Variants in GSE1 observed in about 807,000 individuals in gnomAD.
GSE1 encodes the protein genetic suppressor element 1.
In GSE1, 32 loss-of-function variants were observed where a neutral mutation model predicts 112.6. The observed-to-expected ratio is 0.28, with a 90% CI of 0.21 to 0.38. The LOEUF (loss-of-function observed/expected upper bound fraction) is 0.38, where lower values mean the gene tolerates loss of function less well. Among genes scored for constraint, GSE1 ranks in the 10% least tolerant of loss-of-function variants. GSE1 has a pLI of 1.00. For missense variants in GSE1, 2,348 were observed against 1,699.2 expected (o/e 1.38, Z -6.71); for synonymous variants, 1,115 against 735.6 (o/e 1.52, Z -8.35).
intron 2 of GSE1, among the ~76,000 whole-genome samples, chr16:85,516,580 C>T (rs1188914286): frequency 7.5e-6 from 1 of 134,108 alleles, no homozygotes; most frequent in Non-Finnish European, 1.6e-5. Context: ...AGAGGAGACC[C>T]TGTCTCAAAA....
At chr16:85,201,205 T>C (rs1304183047) in intron 1 of GSE1, among the ~76,000 whole-genome samples, 1 of 152,162 alleles carries the variant, frequency 6.6e-6, no homozygotes, top group Non-Finnish European at 1.5e-5. Flanking sequence ...CCTGAGTAGC[T>C]GAGGCCACAG....
chr16:85,310,939 G>A (rs2045825032), intron 1 of GSE1, among the ~76,000 whole-genome samples: 1 of 152,234 alleles, frequency 6.6e-6, no homozygotes, highest in Admixed American at 6.5e-5. Context: ...GCACAGTAGA[G>A]GGGACAGCAG....
Position 85,674,577 on chromosome 16 carries a change from C to CT in GSE1, c.*2040dup, listed in dbSNP as rs1180364591. 1 of 152,246 alleles carries CT rather than the reference C, an allele frequency of 6.6e-6. No individual in the cohort carries two copies. The highest frequency in any genetic ancestry group is 2.4e-5 in the African/African-American group (1 of 41,466). 9.4% of individuals were successfully genotyped at this position (152,246 alleles called of 1,614,324 possible). Reference sequence around the variant, plus strand: ...AAGGCTTAAGAGTCACATCTTAGCACTTCCGCTCTCAGGCCTCCTCCTCCA... The same window carrying CT: ...AAGGCTTAAGAGTCACATCTTAGCACTTTCCGCTCTCAGGCCTCCTCCTCCA... On this transcript the variant is annotated 3_prime_UTR_variant, in exon 16 of 16. Transcript: ENST00000253458.
chr16:85,645,395 A>G (rs749560205), intron 2 of GSE1, among the ~76,000 whole-genome samples: 1 of 151,962 alleles, frequency 6.6e-6, no homozygotes, highest in African/African-American at 2.4e-5. Flanking sequence ...TCTGTTGTGG[A>G]GCTGCCCTAT....
chr16:85,171,803 C>T (rs774603466), exon 1 of GSE1: 12 of 985,290 alleles, frequency 1.2e-5, no homozygotes, highest in Non-Finnish European at 1.4e-5. Flanking sequence ...GCAGCAGCGA[C>T]GAAGGTAAGC....
intron 1 of GSE1, among the ~76,000 whole-genome samples, chr16:85,218,337 G>C (rs556894558): frequency 6.6e-6 from 1 of 152,310 alleles, no homozygotes; most frequent in South Asian, 2.1e-4. Flanking sequence ...CTCGGGATGG[G>C]CTGCTGAACC....
intron 1 of GSE1, among the ~76,000 whole-genome samples, chr16:85,230,177 G>C (rs190253491): frequency 6.6e-6 from 1 of 152,194 alleles, no homozygotes; most frequent in South Asian, 2.1e-4. Context: ...TAATTGGTTG[G>C]GGTCTTGTCT....
At chr16:85,338,955 G>T (rs999701413) in intron 1 of GSE1, among the ~76,000 whole-genome samples, 11 of 152,234 alleles carry the variant, frequency 7.2e-5, no homozygotes, top group Admixed American at 2.6e-4. Flanking sequence ...GAAGCATGGG[G>T]CATCTCATCC....
chr16:85,589,081 G>A (rs2046843673), intron 1 of GSE1, among the ~76,000 whole-genome samples: 2 of 151,952 alleles, frequency 1.3e-5, no homozygotes, highest in South Asian at 4.2e-4. Flanking sequence ...TCCCCTTCCC[G>A]GGATCCCCGT....
intron 6 of GSE1, 72 bp from the exon 7 acceptor site, chr16:85,656,271 T>C (rs953917975): frequency 2.6e-6 from 4 of 1,566,692 alleles, no homozygotes; most frequent in Non-Finnish European, 3.5e-6. Flanking sequence ...GTTATGCTTT[T>C]TAAGGGCCTG....
chr16:85,354,897 C>A lies in GSE1; in HGVS notation c.2284-2566C>A, dbSNP rs550257355. ...GTAGCTCAGTCCCCAGGGTGGGAAC[C>A]ACCTTGGTACAGGCCCCAGGGTACC... On this transcript the variant is annotated intron_variant, in intron 1 of 2. Coordinates refer to the GSE1 transcript ENST00000637419. Among the ~76,000 whole-genome samples the A allele has an allele frequency of 5.3e-5, 8 of 152,344 alleles. No individual in the cohort carries two copies. In the South Asian group the frequency reaches 1.7e-3, roughly 32 times the overall value.
rs761640820 is a variant in GSE1, at chr16:85,648,546, C to G, written c.227-6C>G. ...CCCACTCAGGCCACCGTCTTCTCCT[C>G]CACAGGGTCCTCACTGAGCAGCGAG... On this transcript the variant is annotated splice_region_variant and splice_polypyrimidine_tract_variant and intron_variant, in intron 2 of 15. Coordinates refer to ENST00000253458, the MANE Select transcript of GSE1 (RefSeq NM_014615.5). The G allele has an allele frequency of 5.3e-6, 8 of 1,514,012 alleles. No individual in the cohort carries two copies. The highest frequency in any genetic ancestry group is 1.3e-5 in the South Asian group (1 of 79,204). 93.8% of individuals were successfully genotyped at this position (1,514,012 alleles called of 1,614,324 possible). A position where few individuals can be genotyped will look rare whatever the true frequency, so the allele number is the denominator to read the frequency against.
chr16:85,193,809 G>A (rs1453457470), intron 1 of GSE1, among the ~76,000 whole-genome samples: 4 of 152,192 alleles, frequency 2.6e-5, no homozygotes, highest in African/African-American at 9.7e-5. Context: ...ACCTGCAGTT[G>A]TGAGAAATAA....
In GSE1 at chr16:85,519,046, T is replaced by G. The variant is rs189446258; in HGVS notation, c.2465-114868T>G. Reference sequence around the variant, plus strand: ...CTCACCATGTATGGCTGCAGATCACTTTGCATTTTGTGCCTCAGTTTCTCC... The same window carrying G: ...CTCACCATGTATGGCTGCAGATCACGTTGCATTTTGTGCCTCAGTTTCTCC... On this transcript the variant is annotated intron_variant, in intron 2 of 2. Transcript: ENST00000637419. 2.8e-4 allele frequency among the ~76,000 whole-genome samples: 43 copies of G among 152,302 alleles called. 1 individual carries two copies. The East Asian group carries it at 6.7e-3, about 24-fold the overall frequency.
chr16:85,346,606 T>TGATG (rs56147441), intron 1 of GSE1, among the ~76,000 whole-genome samples: 97,108 of 143,194 alleles, frequency 0.68, 35,893 homozygotes, highest in Non-Finnish European at 0.85. Flanking sequence ...GATGGGTGGA[T>TGATG]GATGGATGGA....
chr16:85,345,961 C>T (rs570543483), intron 1 of GSE1, among the ~76,000 whole-genome samples: 5 of 151,344 alleles, frequency 3.3e-5, no homozygotes, highest in African/African-American at 4.9e-5. Flanking sequence ...CACATGGACA[C>T]GTCAATGAAT....
At chr16:85,203,502 C>G (rs770927687) in intron 1 of GSE1, among the ~76,000 whole-genome samples, 1 of 152,150 alleles carries the variant, frequency 6.6e-6, no homozygotes, top group Non-Finnish European at 1.5e-5. Context: ...CTCGCTCTTT[C>G]GTGGGAAGCC....
At chr16:85,297,576 T>C (rs2045402909) in intron 1 of GSE1, among the ~76,000 whole-genome samples, 1 of 152,212 alleles carries the variant, frequency 6.6e-6, no homozygotes, top group Non-Finnish European at 1.5e-5. Context: ...CATGGCTCAC[T>C]GCAGCCTCCA....
At position 85,193,906 on chromosome 16, in the gene GSE1, C is replaced by T. The variant is rs1006739859; in HGVS notation, c.2283+22099C>T. On this transcript the variant is annotated intron_variant, in intron 1 of 2. Transcript: ENST00000637419. ...TACAATGCCACAGTCAGGGCACTGA[C>T]GTCGACAGTCCATAGATCTTATTCC... Among the ~76,000 whole-genome samples the T allele has an allele frequency of 9.2e-5, 14 of 152,334 alleles. No individual in the cohort carries two copies. In the South Asian group the frequency reaches 1.0e-3, roughly 11 times the overall value.
Sources: gnomAD v4.1 joint callset for allele counts (sites outside exome capture counted in the v4.1 genomes callset) on GRCh38, gnomAD v4.1.1 for gene constraint, MANE v1.5 for transcripts, NCBI Gene and HGNC (gene_info 2026-07-23, HGNC 2026-07-21) for gene names.